FGFR2: variants seen among roughly 807,000 people sequenced by gnomAD.
The protein encoded by FGFR2 is fibroblast growth factor receptor 2.
In FGFR2, 19 loss-of-function variants were observed where a neutral mutation model predicts 95.9. The observed-to-expected ratio is 0.20, with a 90% CI of 0.14 to 0.29. The LOEUF (loss-of-function observed/expected upper bound fraction) is 0.29, where lower values mean the gene tolerates loss of function less well. Ranked by LOEUF, FGFR2 falls within the 10% of genes least tolerant of loss-of-function variation. The probability of loss-of-function intolerance (pLI) is 1.00; values close to 1 mark genes in which losing one functional copy is unlikely to be tolerated. For missense variants in FGFR2, 707 were observed against 1,056.9 expected (o/e 0.67, Z 4.59); for synonymous variants, 392 against 393.3 (o/e 1.00, Z 0.04).
Position 121,517,156 on chromosome 10 carries a change from A to T in FGFR2, c.1084+163T>A. 1.3e-6 allele frequency: 1 copy of T among 773,008 alleles called. No homozygotes were observed. The highest frequency in any genetic ancestry group is 2.2e-6 in the Non-Finnish European group (1 of 456,846). The allele number at this position is 773,008 out of a possible 1,614,324, so 47.9% of individuals were successfully genotyped here. On this transcript the variant is annotated intron_variant, in intron 8 of 17. Transcript: ENST00000358487. This position sits in a 1 kb window ranked among gnomAD's most constrained non-coding sequence, Gnocchi z 4.7. ...GAGTGTGGGATCTCACTGTGTGTGA[A>T]TTTCCAAGGCAGTTTTCTTATCCCT...
rs891950971 is a variant in FGFR2 at position 121,506,948 on chromosome 10, G to A, written c.1288-3007C>T. Among the ~76,000 whole-genome samples the A allele has an allele frequency of 2.0e-5, 3 of 152,258 alleles. No individual in the cohort carries two copies. The South Asian group carries it at 6.2e-4, about 32-fold the overall frequency. On this transcript the variant is annotated intron_variant, in intron 9 of 17. Coordinates refer to ENST00000358487, the MANE Select transcript of FGFR2 (RefSeq NM_000141.5). ...GGATCTGAGCTGAGGCATGAACAAC[G>A]GAAAAGAAAACGAAGGGCATATGCT...
At chr10:121,488,265 G>A in intron 13 of FGFR2, 152 bp from the exon 14 acceptor site, 3 of 1,104,784 alleles carry the variant, frequency 2.7e-6, no homozygotes, top group Non-Finnish European at 3.9e-6. Context: ...GTGTGGCCGG[G>A]TGCGGTGGCT....
In FGFR2 at chr10:121,518,801, T is replaced by C; in HGVS notation, c.939+1178A>G. On this transcript the variant is annotated intron_variant, in intron 7 of 17. Transcript: ENST00000358487. The surrounding 1 kb of genome is among the most constrained non-coding windows in gnomAD (Gnocchi z 4.0). Reference sequence around the variant, plus strand: ...GGTCACATTGAACAGAGCCAGCACTTCTGCATTGGAACTATTTATCCCCGA... The same window carrying C: ...GGTCACATTGAACAGAGCCAGCACTCCTGCATTGGAACTATTTATCCCCGA... 1 of 1,614,136 alleles carries C rather than the reference T, an allele frequency of 6.2e-7. No homozygotes were observed. Among genetic ancestry groups the C allele is most frequent in the Non-Finnish European group, 8.5e-7 (1 of 1,180,014 alleles).
At chr10:121,487,898 CCCACCCA>C in intron 14 of FGFR2, 86 bp downstream of exon 14, 1 of 1,528,382 alleles carries the variant, frequency 6.5e-7, no homozygotes, top group Non-Finnish European at 9.0e-7. Flanking sequence ...CCCCAGCCAT[CCCACCCA>C]GCTCTCAACA....
At chr10:121,507,627 A>G (rs945072235) in intron 9 of FGFR2, among the ~76,000 whole-genome samples, 5 of 152,196 alleles carry the variant, frequency 3.3e-5, no homozygotes, top group African/African-American at 1.2e-4. Flanking sequence ...CCAACTGCAC[A>G]GCATTAATGT....
chr10:121,569,210 TTTTCTTTTCTTTTC>T (rs1858185485), intron 2 of FGFR2, among the ~76,000 whole-genome samples: 1 of 139,320 alleles, frequency 7.2e-6, no homozygotes, highest in African/African-American at 2.9e-5. Context: ...TTTTCTTTTC[TTTTCTTTTCTTTTC>T]TTTTTTTTTT....
intron 5 of FGFR2, 50 bp downstream of exon 5, chr10:121,551,240 T>A (rs755936788): frequency 6.2e-7 from 1 of 1,603,032 alleles, no homozygotes; most frequent in Non-Finnish European, 8.5e-7. Context: ...TGTAAATAAA[T>A]AAATAAACAA....
intron 6 of FGFR2, among the ~76,000 whole-genome samples, chr10:121,521,290 C>T (rs1416591611): frequency 6.6e-6 from 1 of 152,222 alleles, no homozygotes; most frequent in Admixed American, 6.5e-5. Context: ...CCTAGCTTCA[C>T]TTGTCTTGCC....
chr10:121,593,648 T>G lies in FGFR2; in HGVS notation c.109+61A>C. The G allele has an allele frequency of 3.4e-6, 5 of 1,468,408 alleles. No homozygotes were observed. The South Asian group carries it at 4.6e-5, about 13-fold the overall frequency. The allele number at this position is 1,468,408 out of a possible 1,614,324, so 91.0% of individuals were successfully genotyped here. A position where few individuals can be genotyped will look rare whatever the true frequency, so the allele number is the denominator to read the frequency against. ...GGGTAGCTGATTCTAAAACAGGCCT[T>G]AACAATCTGCCCCCAGACAAATCCC... On this transcript the variant is annotated intron_variant, in intron 2 of 17. Coordinates refer to ENST00000358487, the MANE Select transcript of FGFR2 (RefSeq NM_000141.5).
chr10:121,573,578 C>T (rs1348301494), intron 2 of FGFR2, among the ~76,000 whole-genome samples: 3 of 148,048 alleles, frequency 2.0e-5, no homozygotes, highest in African/African-American at 2.5e-5. Flanking sequence ...AGAGGAGAGA[C>T]GGAGACAAGG....
intron 2 of FGFR2, among the ~76,000 whole-genome samples, chr10:121,571,147 C>T (rs1858619546): frequency 6.7e-6 from 1 of 148,828 alleles, no homozygotes; most frequent in Non-Finnish European, 1.5e-5. Flanking sequence ...TGCCACCACA[C>T]CTGGCTAATT....
chr10:121,573,815 G>A (rs1477151226), intron 2 of FGFR2, among the ~76,000 whole-genome samples: 3 of 152,096 alleles, frequency 2.0e-5, no homozygotes, highest in Admixed American at 1.3e-4. Flanking sequence ...GGAGCGCTGC[G>A]GGAAGGGTAG....
intron 2 of FGFR2, among the ~76,000 whole-genome samples, chr10:121,566,125 T>C (rs2135133741): frequency 6.6e-6 from 1 of 152,336 alleles, no homozygotes; most frequent in African/African-American, 2.4e-5. Flanking sequence ...CACACACACA[T>C]ACACTCTTTA....
At chr10:121,578,645 T>TA (rs1564728596) in intron 2 of FGFR2, among the ~76,000 whole-genome samples, 1 of 152,216 alleles carries the variant, frequency 6.6e-6, no homozygotes, top group African/African-American at 2.4e-5. Context: ...CGCTGTGGCT[T>TA]ACGCCTGTAA....
At chr10:121,547,893 G>A (rs1854758420) in intron 5 of FGFR2, among the ~76,000 whole-genome samples, 2 of 152,192 alleles carry the variant, frequency 1.3e-5, no homozygotes, top group African/African-American at 2.4e-5. Flanking sequence ...GAGCTCCAGT[G>A]ACTCCAGGAC....
chr10:121,496,358 T>C (rs1846807601), intron 13 of FGFR2, among the ~76,000 whole-genome samples, 174 bp downstream of exon 13: 1 of 152,228 alleles, frequency 6.6e-6, no homozygotes, highest in Non-Finnish European at 1.5e-5. Context: ...TGAGGCTGCT[T>C]TGGTTTTAAA....
At chr10:121,539,591 C>G (rs147435834) in intron 5 of FGFR2, among the ~76,000 whole-genome samples, 154 of 152,278 alleles carry the variant, frequency 1.0e-3, no homozygotes, top group African/African-American at 3.5e-3. Flanking sequence ...CTTGTATCTT[C>G]AGGGTTTGAG....
At chr10:121,558,394 C>G (rs1856482214) in intron 4 of FGFR2, among the ~76,000 whole-genome samples, 1 of 152,170 alleles carries the variant, frequency 6.6e-6, no homozygotes, top group African/African-American at 2.4e-5. Context: ...TATTTCCTGG[C>G]AACCAGGCTT....
At chr10:121,541,650 C>CATATGAAA (rs1272567826) in intron 5 of FGFR2, among the ~76,000 whole-genome samples, 3 of 152,132 alleles carry the variant, frequency 2.0e-5, no homozygotes, top group Non-Finnish European at 2.9e-5. Context: ...ACCCAATAAA[C>CATATGAAA]ATATGAAAAG....
Sources: gnomAD v4.1 joint callset for allele counts (sites outside exome capture counted in the v4.1 genomes callset) on GRCh38, gnomAD v4.1.1 for gene constraint, Gnocchi (gnomAD v3.1) non-coding constraint, MANE v1.5 for transcripts, NCBI Gene and HGNC (gene_info 2026-07-23, HGNC 2026-07-21) for gene names.